Variants in ZC3H18 observed in about 807,000 individuals in gnomAD.
The protein encoded by ZC3H18 is zinc finger CCCH domain-containing protein 18.
ZC3H18 carries 8 observed loss-of-function variants against 106.1 expected under a neutral mutation model. The observed-to-expected ratio is 0.08, with a 90% CI of 0.04 to 0.14. The LOEUF is 0.14. ZC3H18 is among the 10% of genes least tolerant of loss of function. ZC3H18 has a pLI of 1.00. For synonymous variants in ZC3H18, 635 were observed against 522.1 expected, an observed-to-expected ratio of 1.22 and a Z score of -2.95; for missense variants, 1,318 against 1,278.4, an observed-to-expected ratio of 1.03 and a Z score of -0.47.
intron 7 of ZC3H18, 56 bp downstream of exon 7, chr16:88,609,107 T>A: frequency 4.9e-6 from 7 of 1,422,704 alleles, no homozygotes; most frequent in Non-Finnish European, 6.8e-6. Flanking sequence ...ATTCAAGTTA[T>A]CCCTTTTTAT....
At position 88,630,746 on chromosome 16, in the gene ZC3H18, C is replaced by CCTA. The variant is rs1195454877; in HGVS notation, c.2663+166_2663+167insTAC. ...AGGGGCATGGACAGCGAATTGCAGC[C>CCTA]CCACCCCCCACCCCCCCCCACACAC... On this transcript the variant is annotated intron_variant, in intron 17 of 17. Coordinates refer to ENST00000301011, the MANE Select transcript of ZC3H18 (RefSeq NM_144604.4). Among the ~76,000 whole-genome samples, 471 of 86,372 alleles carry CCTA rather than the reference C, an allele frequency of 5.5e-3. 26 individuals carry two copies. The highest frequency in any genetic ancestry group is 0.02 in the African/African-American group (434 of 22,094). 56.7% of individuals were successfully genotyped at this position (86,372 alleles called of 152,430 possible). A position where few individuals can be genotyped will look rare whatever the true frequency, so the allele number is the denominator to read the frequency against.
chr16:88,586,752 G>C, intron 3 of ZC3H18, 68 bp downstream of exon 3: 1 of 1,294,798 alleles, frequency 7.7e-7, no homozygotes, highest in South Asian at 1.2e-5. Flanking sequence ...TGTGGTGCTG[G>C]CTCACCTTGC....
chr16:88,625,404 G>T, intron 13 of ZC3H18, 137 bp downstream of exon 13: 5 of 1,044,092 alleles, frequency 4.8e-6, no homozygotes, highest in Non-Finnish European at 5.7e-6. Flanking sequence ...CTGGGGCTGT[G>T]GAAGGCTGCG....
At chr16:88,606,672 T>G (rs1390615889) in intron 6 of ZC3H18, among the ~76,000 whole-genome samples, 1 of 152,244 alleles carries the variant, frequency 6.6e-6, no homozygotes, top group East Asian at 1.9e-4. Context: ...CCAGGCTTCC[T>G]CTTCGTTTTT....
chr16:88,609,501 C>T (rs972815976), intron 7 of ZC3H18, among the ~76,000 whole-genome samples: 1 of 151,906 alleles, frequency 6.6e-6, no homozygotes, highest in South Asian at 2.1e-4. Flanking sequence ...GGGGTTTTAC[C>T]ATGTTGTCCA....
At chr16:88,629,360 C>G (rs1906519599) in intron 16 of ZC3H18, among the ~76,000 whole-genome samples, 2 of 152,314 alleles carry the variant, frequency 1.3e-5, no homozygotes, top group African/African-American at 4.8e-5. Context: ...TCTGTAATCC[C>G]AGCTACTTGG....
chr16:88,620,573 G>A (rs1450380535), intron 8 of ZC3H18, among the ~76,000 whole-genome samples: 2 of 146,468 alleles, frequency 1.4e-5, no homozygotes, highest in Non-Finnish European at 3.0e-5. Context: ...GCAAGACCCT[G>A]TCTCTAAAAA....
intron 8 of ZC3H18, among the ~76,000 whole-genome samples, chr16:88,620,184 T>C (rs1275853601): frequency 6.6e-6 from 1 of 152,234 alleles, no homozygotes; most frequent in Non-Finnish European, 1.5e-5. Flanking sequence ...GGTGGTTTCA[T>C]GTGTTGTCGT....
intron 4 of ZC3H18, 39 bp downstream of exon 4, chr16:88,598,365 C>G: frequency 6.4e-7 from 1 of 1,571,576 alleles, no homozygotes. Context: ...GCACATCAGC[C>G]AACTGAGCTG....
chr16:88,596,191 T>A (rs1904428481), intron 3 of ZC3H18, among the ~76,000 whole-genome samples: 1 of 152,196 alleles, frequency 6.6e-6, no homozygotes, highest in Non-Finnish European at 1.5e-5. Context: ...ACTGGTTTGT[T>A]CTCTTCTGCC....
At chr16:88,628,619 G>A (rs1464075634) in intron 15 of ZC3H18, 139 bp from the exon 16 acceptor site, 1 of 880,980 alleles carries the variant, frequency 1.1e-6, no homozygotes, top group Non-Finnish European at 1.8e-6. Flanking sequence ...CTCACTCAGG[G>A]CTACGGGGTC....
chr16:88,618,847 T>C (rs1021785858), intron 8 of ZC3H18, among the ~76,000 whole-genome samples: 2 of 152,074 alleles, frequency 1.3e-5, no homozygotes, highest in African/African-American at 4.8e-5. Flanking sequence ...AGCTTGGAGG[T>C]GGGCCTTCCT....
chr16:88,617,358 ACTC>A (rs1444962633), intron 8 of ZC3H18, among the ~76,000 whole-genome samples: 11 of 151,654 alleles, frequency 7.3e-5, no homozygotes, highest in Non-Finnish European at 2.9e-5. Flanking sequence ...AGGCTTACCC[ACTC>A]CTCCACCTGG....
intron 2 of ZC3H18, among the ~76,000 whole-genome samples, chr16:88,584,199 A>G (rs113590976): frequency 0.051 from 7,788 of 152,252 alleles, 263 homozygotes; most frequent in Middle Eastern, 0.11. Context: ...AGGCGGGCAG[A>G]TCACCTGAGG....
rs371979530 is a variant in ZC3H18, at chr16:88,631,149, C to T, written c.2712C>T (p.Ser904=). ...PQSKSSSKVT[S]VPGKASDPGA... Reference sequence around the variant, plus strand: ...CCAAGAGCTCCAGCAAGGTCACGAGCGTGCCCGGCAAAGCCTCGGATCCCG... The same window carrying T: ...CCAAGAGCTCCAGCAAGGTCACGAGTGTGCCCGGCAAAGCCTCGGATCCCG... Residue 904 remains serine, a synonymous_variant, in exon 18 of 18, where the codon AGC becomes AGT. Transcript: ENST00000301011. 79 of 1,613,328 alleles carry T rather than the reference C, an allele frequency of 4.9e-5. No homozygotes were observed. In the African/African-American group the frequency reaches 7.5e-4, roughly 15 times the overall value.
At chr16:88,582,762 G>A (rs955154548) in intron 2 of ZC3H18, among the ~76,000 whole-genome samples, 2 of 152,222 alleles carry the variant, frequency 1.3e-5, no homozygotes, top group African/African-American at 4.8e-5. Context: ...GGCCTCAGAA[G>A]CTCTGAGAAC....
chr16:88,623,231 G>A lies in ZC3H18; in HGVS notation c.1680G>A (p.Arg560=), dbSNP rs759951423. 1.9e-6 allele frequency: 3 copies of A among 1,613,150 alleles called. No homozygotes were observed. The highest frequency in any genetic ancestry group is 2.2e-5 in the East Asian group (1 of 44,880). ...CCGCCCGCCCCAGGTCGTCTTCGCG[G>A]TCATCGTCCTACTCTGGCTCCGGCT... ...SASNSSRSSS[R]SSSYSGSGSS... Residue 560 remains arginine (R), a synonymous_variant, in exon 10 of 18, where the codon CGG becomes CGA. Coordinates refer to ENST00000301011, the MANE Select transcript of ZC3H18 (RefSeq NM_144604.4).
intron 3 of ZC3H18, among the ~76,000 whole-genome samples, chr16:88,588,254 G>A (rs1053139640): frequency 1.3e-5 from 2 of 152,190 alleles, no homozygotes; most frequent in Non-Finnish European, 1.5e-5. Flanking sequence ...ACACATGTAC[G>A]TGTACACATT....
At chr16:88,582,320 G>T (rs996275070) in intron 2 of ZC3H18, among the ~76,000 whole-genome samples, 1 of 136,618 alleles carries the variant, frequency 7.3e-6, no homozygotes, top group African/African-American at 2.8e-5. Context: ...TGCCTCCCGG[G>T]TTCAAGCGAT....
Sources: allele counts gnomAD v4.1 joint callset (sites outside exome capture counted in the v4.1 genomes callset), GRCh38; gene constraint gnomAD v4.1.1; transcripts MANE v1.5; gene names NCBI Gene and HGNC (gene_info 2026-07-23, HGNC 2026-07-21).